Variants in PMM2 observed in about 807,000 individuals in gnomAD.
PMM2 encodes the protein phosphomannomutase 2, also known as mannose-6-phosphate isomerase.
PMM2 carries 35 observed loss-of-function variants against 33.2 expected under a neutral mutation model. That is an observed-to-expected ratio of 1.06 (90% CI 0.81 to 1.40). PMM2 has a LOEUF of 1.40. Among genes scored for constraint, PMM2 ranks in the 40% most tolerant of loss-of-function variants. PMM2 has a pLI of 0.00. For missense variants in PMM2, 386 were observed against 306.0 expected, an observed-to-expected ratio of 1.26 and a Z score of -1.95; for synonymous variants, 153 against 114.7, an observed-to-expected ratio of 1.33 and a Z score of -2.13.
At chr16:8,832,992 G>A (rs1027072938) in intron 7 of PMM2, 5 of 534,940 alleles carry the variant, frequency 9.3e-6, no homozygotes, top group Non-Finnish European at 1.2e-5. Context: ...TGTGGTTTTG[G>A]TTTGCGCCGT....
At chr16:8,840,049 T>G (rs1258621588) in intron 7 of PMM2, among the ~76,000 whole-genome samples, 2 of 151,728 alleles carry the variant, frequency 1.3e-5, no homozygotes, top group Non-Finnish European at 2.9e-5. Flanking sequence ...TGGGAGATGT[T>G]GCCCAGTCTG....
intron 2 of PMM2, among the ~76,000 whole-genome samples, chr16:8,804,003 T>C (rs1376216864): frequency 1.4e-5 from 2 of 143,160 alleles, no homozygotes; most frequent in African/African-American, 5.2e-5. Flanking sequence ...CTTTTAGTGC[T>C]TTGTTTTTTG....
In PMM2 at chr16:8,806,382, G is replaced by T; in HGVS notation, c.322G>T (p.Ala108Ser). The change falls in exon 4 of 8, where the codon GCG becomes TCG. Residue 108 changes from alanine to serine, a missense_variant. Ala to Ser is a moderately conservative substitution (Grantham distance 99). Coordinates refer to ENST00000268261, the MANE Select transcript of PMM2 (RefSeq NM_000303.3). ...DLINYCLSYI[A>S]KIKLPKKRGT... ...AATCAACTACTGTCTGAGCTACATT[G>T]CGAAAATTAAACTCCCGAAGAAGAG... 6.2e-7 allele frequency: 1 copy of T among 1,613,070 alleles called. No homozygotes were observed. Among genetic ancestry groups the T allele is most frequent in the Non-Finnish European group, 8.5e-7 (1 of 1,179,006 alleles).
intron 7 of PMM2, among the ~76,000 whole-genome samples, chr16:8,813,441 C>T (rs1283041301): frequency 2.0e-5 from 3 of 152,200 alleles, no homozygotes; most frequent in Non-Finnish European, 4.4e-5. Context: ...CTGGCTGTTT[C>T]AACCTCATTT....
intron 7 of PMM2, among the ~76,000 whole-genome samples, chr16:8,833,335 A>G (rs1164605748): frequency 1.3e-5 from 2 of 152,178 alleles, no homozygotes; most frequent in African/African-American, 4.8e-5. Context: ...GGCAGAAGCA[A>G]ATCACAATGG....
chr16:8,823,306 G>A (rs1175987453), intron 7 of PMM2, among the ~76,000 whole-genome samples: 3 of 151,054 alleles, frequency 2.0e-5, no homozygotes, highest in Admixed American at 1.3e-4. Flanking sequence ...AGAAAAGTGG[G>A]AAAAAAAAAT....
intron 4 of PMM2, chr16:8,807,933 C>G (rs1476698865): frequency 2.0e-5 from 3 of 152,156 alleles, no homozygotes; most frequent in Non-Finnish European, 4.4e-5. Flanking sequence ...GAAATAGACC[C>G]AAATGTTAAC....
intron 7 of PMM2, among the ~76,000 whole-genome samples, chr16:8,818,411 C>T (rs937409377): frequency 6.6e-6 from 1 of 152,228 alleles, no homozygotes; most frequent in Non-Finnish European, 1.5e-5. Flanking sequence ...CCATGTAAAC[C>T]TTCAAACAAC....
At chr16:8,803,779 G>A (rs2060628835) in intron 2 of PMM2, among the ~76,000 whole-genome samples, 1 of 151,928 alleles carries the variant, frequency 6.6e-6, no homozygotes, top group South Asian at 2.1e-4. Context: ...TGCGTCCTGG[G>A]TTCAAGTGAT....
chr16:8,827,891 TATATATG>T (rs1179171353), intron 7 of PMM2, among the ~76,000 whole-genome samples: 4 of 54,092 alleles, frequency 7.4e-5, no homozygotes, highest in African/African-American at 2.6e-4. Flanking sequence ...TAATATATGA[TATATATG>T]ATATATATTA....
chr16:8,831,323 A>G (rs1380542474), intron 7 of PMM2, among the ~76,000 whole-genome samples: 1 of 152,200 alleles, frequency 6.6e-6, no homozygotes, highest in Non-Finnish European at 1.5e-5. Context: ...CCCTGCATCC[A>G]TAATACCTAG....
intron 7 of PMM2, among the ~76,000 whole-genome samples, chr16:8,822,345 A>G (rs987057383): frequency 4.6e-5 from 7 of 152,182 alleles, no homozygotes; most frequent in Non-Finnish European, 8.8e-5. Context: ...TGACAGTGAT[A>G]TTATTTTCAG....
At chr16:8,798,004 G>C in intron 1 of PMM2, 56 bp downstream of exon 1, 10 of 1,534,530 alleles carry the variant, frequency 6.5e-6, no homozygotes, top group Non-Finnish European at 8.8e-6. Context: ...GCTGTTCCCA[G>C]TTGGGGCTAT....
At chr16:8,833,009 A>G in intron 7 of PMM2, 3 of 605,392 alleles carry the variant, frequency 5.0e-6, no homozygotes, top group Non-Finnish European at 6.2e-6. Flanking sequence ...CCGTATCCCC[A>G]GCTGCTAAAG....
intron 2 of PMM2, among the ~76,000 whole-genome samples, chr16:8,802,671 C>G (rs8044029): frequency 6.6e-6 from 1 of 151,794 alleles, no homozygotes; most frequent in African/African-American, 2.4e-5. Flanking sequence ...TCTACTAAAA[C>G]TACAAAAAAT....
intron 1 of PMM2, among the ~76,000 whole-genome samples, chr16:8,800,410 T>G (rs2060606498): frequency 6.6e-6 from 1 of 151,808 alleles, no homozygotes; most frequent in African/African-American, 2.4e-5. Flanking sequence ...CTGAGATTGC[T>G]CAAAGTGCTG....
intron 7 of PMM2, among the ~76,000 whole-genome samples, chr16:8,827,808 A>T (rs1332134834): frequency 7.0e-5 from 7 of 100,644 alleles, no homozygotes; most frequent in South Asian, 2.8e-4. Context: ...ACATATTTAT[A>T]TATTTATATA....
At chr16:8,837,810 G>T (rs1410739286) in intron 7 of PMM2, among the ~76,000 whole-genome samples, 3 of 152,004 alleles carry the variant, frequency 2.0e-5, no homozygotes, top group African/African-American at 4.8e-5. Flanking sequence ...TTTGAAACGT[G>T]GGTAAATAAT....
chr16:8,811,185 C>G lies in PMM2; in HGVS notation c.447+7C>G, dbSNP rs1365835297. Reference sequence around the variant, plus strand: ...GTTCTACGAACTCGATAAAGTACGTCTTTCTGAAATATCTTTGGTGAATGG... The same window carrying G: ...GTTCTACGAACTCGATAAAGTACGTGTTTCTGAAATATCTTTGGTGAATGG... On this transcript the variant is annotated splice_region_variant and intron_variant, in intron 5 of 7. Transcript: ENST00000268261. 3.9e-6 allele frequency: 6 copies of G among 1,525,476 alleles called. No homozygotes were observed. The South Asian group carries it at 5.9e-5, about 15-fold the overall frequency. 94.5% of individuals were successfully genotyped at this position (1,525,476 alleles called of 1,614,324 possible).
Sources: gnomAD v4.1 joint callset for allele counts (sites outside exome capture counted in the v4.1 genomes callset) on GRCh38, gnomAD v4.1.1 for gene constraint, MANE v1.5 for transcripts, NCBI Gene and HGNC (gene_info 2026-07-23, HGNC 2026-07-21) for gene names.